GIGYF2: variants seen among roughly 807,000 people sequenced by gnomAD.
The protein encoded by GIGYF2 is GRB10-interacting GYF protein 2.
In GIGYF2, 25 loss-of-function variants were observed where a neutral mutation model predicts 208.1. The observed-to-expected ratio is 0.12, with a 90% CI of 0.09 to 0.17. The LOEUF is 0.17. Among genes scored for constraint, GIGYF2 ranks in the 10% least tolerant of loss-of-function variants. GIGYF2 has a pLI of 1.00. For missense variants in GIGYF2, 1,302 were observed against 1,579.4 expected (o/e 0.82, Z 2.98); for synonymous variants, 534 against 543.8 (o/e 0.98, Z 0.25).
intron 23 of GIGYF2, 115 bp from the exon 24 acceptor site, chr2:232,843,931 A>T: frequency 1.1e-6 from 1 of 891,800 alleles, no homozygotes; most frequent in Non-Finnish European, 1.9e-6. Flanking sequence ...ATTTAATCCC[A>T]TCAAGTTAAT....
chr2:232,828,769 T>A (rs949733706), intron 21 of GIGYF2: 6 of 152,116 alleles, frequency 3.9e-5, no homozygotes, highest in African/African-American at 1.4e-4. Context: ...GAAACAAATT[T>A]AAAAATATAT....
intron 5 of GIGYF2, among the ~76,000 whole-genome samples, chr2:232,750,298 T>A (rs1254079047): frequency 6.6e-6 from 1 of 152,214 alleles, no homozygotes; most frequent in East Asian, 1.9e-4. Context: ...TGGACATGGC[T>A]GTAGCCAAAG....
At chr2:232,801,231 A>G (rs1017796735) in intron 14 of GIGYF2, among the ~76,000 whole-genome samples, 1 of 152,142 alleles carries the variant, frequency 6.6e-6, no homozygotes, top group East Asian at 1.9e-4. Flanking sequence ...TTACATTTTT[A>G]AATAGTCATA....
chr2:232,798,222 G>A (rs73997520), intron 14 of GIGYF2, among the ~76,000 whole-genome samples: 2,331 of 152,274 alleles, frequency 0.015, 71 homozygotes, highest in African/African-American at 0.054. Context: ...AATCCAGGTT[G>A]TTGCATATAT....
chr2:232,832,897 C>G lies in GIGYF2; in HGVS notation c.2570C>G (p.Ala857Gly). 1 of 1,561,458 alleles carries G rather than the reference C, an allele frequency of 6.4e-7. No individual in the cohort carries two copies. The highest frequency in any genetic ancestry group is 1.2e-5 in the South Asian group (1 of 84,570). The stretch of plus-strand genomic sequence containing the variant: ...AAATGGGCCCGGGAAGAAGAAGAAG[C>G]CCAGCGTCGATTAGAGGAGAACCGG... ...AAKWAREEEE[A>G]QRRLEENRLR... Residue 857 changes from alanine to glycine, a missense_variant, in exon 22 of 29, where the codon GCC becomes GGC. Ala to Gly is a moderately conservative substitution (Grantham distance 60). Coordinates refer to ENST00000373563, the MANE Select transcript of GIGYF2 (RefSeq NM_001103146.3).
At chr2:232,784,258 G>C (rs1368845175) in intron 8 of GIGYF2, among the ~76,000 whole-genome samples, 1 of 151,972 alleles carries the variant, frequency 6.6e-6, no homozygotes, top group Non-Finnish European at 1.5e-5. Flanking sequence ...GAGGCCAGAA[G>C]TTCAAGACCA....
In GIGYF2 at chr2:232,760,540, T is replaced by G. The variant is rs754878774; in HGVS notation, c.440T>G (p.Phe147Cys). The stretch of plus-strand genomic sequence containing the variant: ...AGTTTTGATGAAGTAGAGGGTGTTT[T>G]TGGTCGAGGAGGTGGCAGAGAAATG... ...QRSFDEVEGV[F>C]GRGGGREMHR... The change falls in exon 7 of 29, where the codon TTT becomes TGT. Residue 147 changes from phenylalanine to cysteine, a missense_variant. Coordinates refer to ENST00000373563, the MANE Select transcript of GIGYF2 (RefSeq NM_001103146.3). 5.6e-6 allele frequency: 9 copies of G among 1,613,500 alleles called. No individual in the cohort carries two copies. In the African/African-American group the frequency reaches 1.2e-4, roughly 22 times the overall value.
intron 21 of GIGYF2, among the ~76,000 whole-genome samples, chr2:232,826,102 C>T (rs543128540): frequency 1.3e-5 from 2 of 152,252 alleles, no homozygotes; most frequent in South Asian, 4.2e-4. Context: ...TCCAGTCTAT[C>T]ATTGATGGAC....
In GIGYF2 at chr2:232,747,640, A is replaced by T. The variant is rs766211761; in HGVS notation, c.67A>T (p.Ser23Cys). ...GCTCCGAGCTCTGTCCAGTGGTGGG[A>T]GTATTACATCCCCTCCTCTTTCTCC... ...EWLRALSSGG[S>C]ITSPPLSPAL... is the part of the protein sequence containing the mutation. The change falls in exon 4 of 29, where the codon AGT (serine) becomes TGT (cysteine). Residue 23 changes from serine (S) to cysteine (C), a missense_variant. This residue lies in a region of GIGYF2 where 27 missense variants were observed against 59.5 expected (regional missense o/e 0.45). Transcript: ENST00000373563. The T allele has an allele frequency of 6.2e-7, 1 of 1,613,924 alleles. No individual in the cohort carries two copies.
chr2:232,848,731 T>C (rs558323600), intron 27 of GIGYF2, among the ~76,000 whole-genome samples: 1 of 152,210 alleles, frequency 6.6e-6, no homozygotes, highest in South Asian at 2.1e-4. Context: ...GTTGGCAGTA[T>C]TGAGAACTGT....
intron 28 of GIGYF2, among the ~76,000 whole-genome samples, chr2:232,856,008 G>A (rs1001581290): frequency 1.3e-5 from 2 of 152,012 alleles, no homozygotes; most frequent in South Asian, 2.1e-4. Flanking sequence ...TCGGCTCACT[G>A]CAAGCTCCTT....
chr2:232,840,092 G>T, intron 23 of GIGYF2, 121 bp downstream of exon 23: 1 of 1,057,896 alleles, frequency 9.5e-7, no homozygotes. Flanking sequence ...TGAATTGGAC[G>T]TTCATTATTA....
chr2:232,839,932 A>G lies in GIGYF2; in HGVS notation c.2850A>G (p.Gln950=). The change falls in exon 23 of 29, where the codon CAA becomes CAG. Residue 950 remains glutamine, a synonymous_variant. Coordinates refer to ENST00000373563, the MANE Select transcript of GIGYF2 (RefSeq NM_001103146.3). ...CCACGCTGTCGTTGGCTGAAATCCA[A>G]AAACTAGAGGAAGAACGAGAACGGC... ...SQATLSLAEI[Q]KLEEERERQL... is the part of the protein sequence containing the mutation. The G allele has an allele frequency of 6.2e-7, 1 of 1,614,110 alleles. No individual in the cohort carries two copies. Among genetic ancestry groups the G allele is most frequent in the South Asian group, 1.1e-5 (1 of 91,080 alleles).
chr2:232,745,766 A>G (rs1315071322), intron 3 of GIGYF2, among the ~76,000 whole-genome samples: 2 of 152,232 alleles, frequency 1.3e-5, no homozygotes, highest in African/African-American at 4.8e-5. Context: ...AATTACTGCA[A>G]GTATCACAAA....
At chr2:232,757,641 G>A (rs1309351975) in intron 6 of GIGYF2, among the ~76,000 whole-genome samples, 2 of 152,058 alleles carry the variant, frequency 1.3e-5, no homozygotes, top group Non-Finnish European at 2.9e-5. Context: ...GTAGCAAGGA[G>A]AGGTTGTACT....
At position 232,832,958 on chromosome 2, in the gene GIGYF2, T is replaced by C. The variant is rs1011680213; in HGVS notation, c.2631T>C (p.His877=). 1.2e-5 allele frequency: 19 copies of C among 1,573,310 alleles called. No individual in the cohort carries two copies. The highest frequency in any genetic ancestry group is 1.2e-4 in the East Asian group (5 of 42,706). The change falls in exon 22 of 29, where the codon CAT becomes CAC. Residue 877 remains histidine, a synonymous_variant. Coordinates refer to ENST00000373563, the MANE Select transcript of GIGYF2 (RefSeq NM_001103146.3). ...AAGAGGAGGCAGCCAGACTCCGGCA[T>C]GAGGAAGAAGAACGGAAGAGAAAGG... is the stretch of plus-strand genomic sequence containing the variant. ...RMEEEAARLR[H]EEEERKRKEL...
intron 18 of GIGYF2, among the ~76,000 whole-genome samples, chr2:232,815,047 T>C (rs1474239485): frequency 6.6e-6 from 1 of 152,246 alleles, no homozygotes; most frequent in East Asian, 1.9e-4. Context: ...GTCTCACTTG[T>C]AAGACCTGCC....
intron 18 of GIGYF2, 27 bp from the exon 19 acceptor site, chr2:232,815,610 C>T (rs1013241220): frequency 4.2e-6 from 5 of 1,183,356 alleles, no homozygotes; most frequent in South Asian, 2.4e-5. Flanking sequence ...TCTGTCATTC[C>T]TCGTTGTTTC....
intron 5 of GIGYF2, among the ~76,000 whole-genome samples, chr2:232,749,294 T>C (rs1316058201): frequency 6.6e-6 from 1 of 152,200 alleles, no homozygotes; most frequent in Non-Finnish European, 1.5e-5. Flanking sequence ...TTGTAGATCC[T>C]TAAGGACATT....
Sources: gnomAD v4.1 joint callset for allele counts (sites outside exome capture counted in the v4.1 genomes callset) on GRCh38, gnomAD v4.1.1 for gene constraint, gnomAD v4.1.1 regional missense constraint, MANE v1.5 for transcripts, NCBI Gene and HGNC (gene_info 2026-07-23, HGNC 2026-07-21) for gene names.